MYL4: variants seen among roughly 807,000 people sequenced by gnomAD.
MYL4 encodes myosin light chain 4.
Under a neutral mutation model 21.6 loss-of-function variants are expected in MYL4, and 16 were observed. The ratio of observed to expected loss-of-function variants is 0.74; its 90% CI spans 0.50 to 1.12. The LOEUF is 1.12. Among genes scored for constraint, MYL4 ranks in the 50% most tolerant of loss-of-function variants. The pLI is 0.00. For synonymous variants in MYL4, 82 were observed against 95.7 expected (o/e 0.86, Z 0.83); for missense variants, 249 against 252.9 (o/e 0.98, Z 0.11).
upstream of MYL4, among the ~76,000 whole-genome samples, chr17:47,207,089 G>A (rs1248147029): frequency 6.6e-6 from 1 of 152,186 alleles, no homozygotes; most frequent in Non-Finnish European, 1.5e-5. Context: ...TGAGGCAGAA[G>A]ATGAGGGGAG....
upstream of MYL4, among the ~76,000 whole-genome samples, chr17:47,206,328 T>C (rs1036148121): frequency 2.0e-5 from 3 of 150,604 alleles, no homozygotes; most frequent in Admixed American, 6.6e-5. Flanking sequence ...GAAAGGGGAG[T>C]GGGGTGGGGG....
chr17:47,192,063 A>G, the MYL4 span, among the ~76,000 whole-genome samples: 1 of 152,188 alleles, frequency 6.6e-6, no homozygotes, highest in Non-Finnish European at 1.5e-5. Context: ...CCTAAAAAAG[A>G]GCATTTCCTG....
chr17:47,199,737 C>CTTTT (rs33975035), upstream of MYL4, among the ~76,000 whole-genome samples: 117 of 101,262 alleles, frequency 1.2e-3, 1 homozygote, highest in African/African-American at 1.7e-3. Context: ...GTAGTAAAGT[C>CTTTT]TTTTTTTTTT....
chr17:47,198,024 C>G (rs2064695786), upstream of MYL4, among the ~76,000 whole-genome samples: 2 of 152,092 alleles, frequency 1.3e-5, no homozygotes, highest in Non-Finnish European at 2.9e-5. Flanking sequence ...GATGATTGAG[C>G]TGGAGAGTGA....
At chr17:47,222,215 G>C in intron 4 of MYL4, 165 bp from the exon 5 acceptor site, 1 of 687,346 alleles carries the variant, frequency 1.5e-6, no homozygotes, top group South Asian at 1.7e-5. Flanking sequence ...AAGACCTTTA[G>C]ACCCTTGGCC....
downstream of MYL4, among the ~76,000 whole-genome samples, chr17:47,227,153 G>T (rs951313593): frequency 1.3e-5 from 2 of 152,210 alleles, no homozygotes; most frequent in Non-Finnish European, 2.9e-5. Context: ...ACCGCGCCCA[G>T]CCGGGAAGCA....
At chr17:47,197,832 T>A (rs994762479), upstream of MYL4, among the ~76,000 whole-genome samples, 2 of 152,242 alleles carry the variant, frequency 1.3e-5, no homozygotes, top group African/African-American at 2.4e-5. Context: ...GACTTGATAT[T>A]GTCAACTGAT....
At chr17:47,205,093 AAATGAGGGCT>A (rs1345592128), upstream of MYL4, among the ~76,000 whole-genome samples, 2 of 152,216 alleles carry the variant, frequency 1.3e-5, no homozygotes, top group Non-Finnish European at 2.9e-5. Flanking sequence ...AGCTCAGCCC[AAATGAGGGCT>A]GATGTCACTT....
intron 1 of MYL4, among the ~76,000 whole-genome samples, chr17:47,211,784 G>C (rs995922052): frequency 1.4e-4 from 21 of 151,480 alleles, no homozygotes; most frequent in Admixed American, 1.3e-3. Context: ...CACAGCACAA[G>C]CAGCAGCAGA....
At chr17:47,199,416 A>G (rs1449128018), upstream of MYL4, among the ~76,000 whole-genome samples, 1 of 152,014 alleles carries the variant, frequency 6.6e-6, no homozygotes, top group Admixed American at 6.5e-5. Flanking sequence ...ACCTTCTTTC[A>G]GTTGTACGAT....
the MYL4 span, among the ~76,000 whole-genome samples, chr17:47,193,885 A>AGCTGGGACCACAGGCACAC: frequency 6.6e-6 from 1 of 152,094 alleles, no homozygotes; most frequent in African/African-American, 2.4e-5. Context: ...CCTCCCGAGT[A>AGCTGGGACCACAGGCACAC]GCTGGGACCA....
At chr17:47,211,138 G>A (rs1450772993) in intron 1 of MYL4, among the ~76,000 whole-genome samples, 1 of 151,910 alleles carries the variant, frequency 6.6e-6, no homozygotes, top group Non-Finnish European at 1.5e-5. Flanking sequence ...ATCTTCATGG[G>A]GGTTGTTGAA....
At chr17:47,219,673 C>T (rs997273912) in intron 2 of MYL4, among the ~76,000 whole-genome samples, 2 of 152,142 alleles carry the variant, frequency 1.3e-5, no homozygotes, top group African/African-American at 4.8e-5. Flanking sequence ...TAGAAGAGAT[C>T]CCAGTCCCAG....
downstream of MYL4, among the ~76,000 whole-genome samples, chr17:47,226,075 T>A (rs527705623): frequency 1.3e-5 from 2 of 152,254 alleles, no homozygotes; most frequent in South Asian, 4.1e-4. Context: ...CTCACTGTAT[T>A]CACTTGTGAG....
chr17:47,209,274 C>A, upstream of MYL4: 2 of 973,462 alleles, frequency 2.1e-6, no homozygotes, highest in Non-Finnish European at 1.6e-6. Context: ...GCAGCAGTTG[C>A]TCTTGCTTTC....
intron 1 of MYL4, among the ~76,000 whole-genome samples, chr17:47,202,409 C>T (rs559380782): frequency 2.4e-4 from 37 of 152,178 alleles, no homozygotes; most frequent in Non-Finnish European, 4.4e-4. Flanking sequence ...AATGCACAGT[C>T]GAAAAAGTAG....
At chr17:47,201,501 G>A (rs146680825) in intron 1 of MYL4, among the ~76,000 whole-genome samples, 2,487 of 151,110 alleles carry the variant, frequency 0.016, 33 homozygotes, top group Non-Finnish European at 0.027. Flanking sequence ...TTGTTGCCCA[G>A]GCTGCAGTGC....
At position 47,219,915 on chromosome 17, in the gene MYL4, G is replaced by T. The variant is rs1362110554; in HGVS notation, c.175G>T (p.Ala59Ser). The change falls in exon 3 of 7, where the codon GCC (alanine) becomes TCC (serine). Residue 59 changes from alanine to serine, a missense_variant. Physicochemically the swap from Ala to Ser is moderately conservative, Grantham distance 99 (BLOSUM62 1). Coordinates refer to ENST00000393450, the MANE Select transcript of MYL4 (RefSeq NM_002476.2). The stretch of plus-strand genomic sequence containing the variant: ...TCTTCTCTCCACAGAGTTCAAAGAG[G>T]CCTTTTCATTGTTTGACCGGACCCC... ...TADQIEEFKEAFSLFDRTPTG... is the reference protein window; with the variant it reads ...TADQIEEFKESFSLFDRTPTG... 2 of 1,614,214 alleles carry T rather than the reference G, an allele frequency of 1.2e-6. No homozygotes were observed. Among genetic ancestry groups the T allele is most frequent in the African/African-American group, 1.3e-5 (1 of 75,056 alleles).
At chr17:47,202,125 A>T (rs536930436) in intron 1 of MYL4, among the ~76,000 whole-genome samples, 1 of 152,224 alleles carries the variant, frequency 6.6e-6, no homozygotes, top group African/African-American at 2.4e-5. Flanking sequence ...AGCTGGGATT[A>T]CAGGCACGTG....
Sources: gnomAD v4.1 joint callset for allele counts (sites outside exome capture counted in the v4.1 genomes callset) on GRCh38, gnomAD v4.1.1 for gene constraint, MANE v1.5 for transcripts, NCBI Gene and HGNC (gene_info 2026-07-23, HGNC 2026-07-21) for gene names.